The following SPHKAP variants were observed in gnomAD, a reference collection of about 807,000 sequenced individuals.
SPHKAP encodes the protein SPHK1 interactor, AKAP domain containing.
Under a neutral mutation model 137.5 loss-of-function variants are expected in SPHKAP, and 67 were observed. The ratio of observed to expected loss-of-function variants is 0.49; its 90% CI spans 0.40 to 0.60. The LOEUF (loss-of-function observed/expected upper bound fraction) is 0.60, where lower values mean the gene tolerates loss of function less well. Among genes scored for constraint, SPHKAP ranks in the 20% least tolerant of loss-of-function variants. The probability of loss-of-function intolerance (pLI) is 0.00; values close to 1 mark genes in which losing one functional copy is unlikely to be tolerated. For synonymous variants in SPHKAP, 813 were observed against 785.3 expected, an observed-to-expected ratio of 1.04 and a Z score of -0.59; for missense variants, 2,097 against 2,069.3, an observed-to-expected ratio of 1.01 and a Z score of -0.26.
At chr2:228,176,786 G>A (rs1453790756) in intron 1 of SPHKAP, among the ~76,000 whole-genome samples, 1 of 152,190 alleles carries the variant, frequency 6.6e-6, no homozygotes, top group Non-Finnish European at 1.5e-5. Context: ...CGGGAGAATC[G>A]CTCAAATCCC....
At position 228,103,970 on chromosome 2, in the gene SPHKAP, CAT is replaced by C. The variant is rs533092318; in HGVS notation, c.246+4860_246+4861del. On this transcript the variant is annotated intron_variant, in intron 3 of 11. Coordinates refer to ENST00000392056, the MANE Select transcript of SPHKAP (RefSeq NM_001142644.2). ...ATATATGTACATTTTCACAGAAACA[CAT>C]GTACATGCAGAGAAAAGGATAAAGC... 4.1e-3 allele frequency among the ~76,000 whole-genome samples: 616 copies of C among 151,986 alleles called. 6 individuals carry two copies. The highest frequency in any genetic ancestry group is 0.014 in the African/African-American group (581 of 41,438).
At chr2:228,129,617 A>G (rs1699183200) in intron 2 of SPHKAP, among the ~76,000 whole-genome samples, 1 of 152,032 alleles carries the variant, frequency 6.6e-6, no homozygotes, top group African/African-American at 2.4e-5. Context: ...ATTTCCCAGT[A>G]GTTATTCCAG....
intron 4 of SPHKAP, among the ~76,000 whole-genome samples, chr2:228,027,104 C>T (rs1559355302): frequency 6.6e-6 from 1 of 152,136 alleles, no homozygotes; most frequent in East Asian, 1.9e-4. Context: ...GCAAAAAGTT[C>T]AAGCCAAGGG....
rs1185780019 is a variant in SPHKAP, at chr2:228,021,815, T to C, written c.593A>G (p.Lys198Arg). 1 of 1,614,158 alleles carries C rather than the reference T, an allele frequency of 6.2e-7. No individual in the cohort carries two copies. Among genetic ancestry groups the C allele is most frequent in the Non-Finnish European group, 8.5e-7 (1 of 1,180,002 alleles). Residue 198 changes from lysine (K) to arginine (R), a missense_variant, in exon 6 of 12, where the codon AAA (lysine) becomes AGA (arginine). Coordinates refer to ENST00000392056, the MANE Select transcript of SPHKAP (RefSeq NM_001142644.2). ...GGAACAGTTCGTGTCATCCTCCAGT[T>C]TCAAGATGTTTGTTTCCAGGTGGAG... ...RQLHLETNIL[K>R]LEDDTNCSLS... is the part of the protein sequence containing the mutation.
At chr2:228,030,792 A>C (rs1695279912) in intron 3 of SPHKAP, among the ~76,000 whole-genome samples, 1 of 151,886 alleles carries the variant, frequency 6.6e-6, no homozygotes, top group African/African-American at 2.4e-5. Flanking sequence ...AGCAATATTG[A>C]AATATTGTCT....
intron 2 of SPHKAP, among the ~76,000 whole-genome samples, chr2:228,118,424 T>G (rs1698790360): frequency 6.6e-6 from 1 of 151,998 alleles, no homozygotes; most frequent in Non-Finnish European, 1.5e-5. Flanking sequence ...TATGGTAAAT[T>G]TATAAGAAAC....
At chr2:228,124,040 T>C (rs1426614216) in intron 2 of SPHKAP, among the ~76,000 whole-genome samples, 1 of 151,552 alleles carries the variant, frequency 6.6e-6, no homozygotes, top group Non-Finnish European at 1.5e-5. Flanking sequence ...TGAGATACCA[T>C]CTTGCACCAG....
chr2:228,094,888 G>C (rs1288481703), intron 3 of SPHKAP, among the ~76,000 whole-genome samples: 1 of 151,996 alleles, frequency 6.6e-6, no homozygotes, highest in African/African-American at 2.4e-5. Context: ...AGGTTGCTGG[G>C]GTCTTTTTGT....
At chr2:228,055,142 C>CAAAAAAAAAAAAAAAAAAA (rs58091970) in intron 3 of SPHKAP, among the ~76,000 whole-genome samples, 22 of 61,304 alleles carry the variant, frequency 3.6e-4, no homozygotes, top group African/African-American at 1.0e-3. Flanking sequence ...AACTCCACTC[C>CAAAAAAAAAAAAAAAAAAA]AAAAAAAAAA....
rs1694634905 is a variant in SPHKAP, at chr2:228,017,154, G to A, written c.3700C>T (p.His1234Tyr). 1 of 1,614,006 alleles carries A rather than the reference G, an allele frequency of 6.2e-7. No individual in the cohort carries two copies. The highest frequency in any genetic ancestry group is 1.3e-5 in the African/African-American group (1 of 75,032). The change falls in exon 7 of 12, where the codon CAC becomes TAC. Residue 1234 changes from histidine (H) to tyrosine (Y), a missense_variant. Transcript: ENST00000392056. ...LSPSLRSPVCHRQSSMPDSRS... is the reference protein window; with the variant it reads ...LSPSLRSPVCYRQSSMPDSRS... ...CTGTCTGGCATGGACGACTGTCTGT[G>A]GCACACTGGGGATCGCAGAGAAGGA...
intron 2 of SPHKAP, among the ~76,000 whole-genome samples, chr2:228,114,695 C>G (rs1034540855): frequency 6.6e-6 from 1 of 152,032 alleles, no homozygotes; most frequent in African/African-American, 2.4e-5. Flanking sequence ...TCTGTTTCAT[C>G]GAACATTTTC....
chr2:228,002,016 G>T (rs925312907), intron 7 of SPHKAP, among the ~76,000 whole-genome samples: 1 of 152,136 alleles, frequency 6.6e-6, no homozygotes, highest in African/African-American at 2.4e-5. Context: ...TGTGAGTAGT[G>T]CCACAATAAA....
intron 8 of SPHKAP, chr2:227,993,995 G>A: frequency 2.1e-6 from 2 of 963,320 alleles, no homozygotes; most frequent in Non-Finnish European, 2.5e-6. Flanking sequence ...CTTGCTGCTG[G>A]GGACACCTGC....
intron 1 of SPHKAP, among the ~76,000 whole-genome samples, chr2:228,137,056 C>A (rs566176962): frequency 3.9e-5 from 6 of 152,148 alleles, no homozygotes; most frequent in African/African-American, 1.2e-4. Flanking sequence ...AACACACTTA[C>A]GCTCCTGCCT....
chr2:228,011,330 G>C (rs1300963303), intron 7 of SPHKAP, among the ~76,000 whole-genome samples: 1 of 151,276 alleles, frequency 6.6e-6, no homozygotes, highest in Admixed American at 6.6e-5. Flanking sequence ...GTGGAAGTCT[G>C]CCTCAGTTCC....
intron 2 of SPHKAP, among the ~76,000 whole-genome samples, chr2:228,113,956 G>C (rs1698616665): frequency 6.6e-6 from 1 of 152,084 alleles, no homozygotes; most frequent in Non-Finnish European, 1.5e-5. Context: ...AAAGCTTTTA[G>C]TTTCATGGCT....
At chr2:228,057,683 G>A (rs1696495110) in intron 3 of SPHKAP, among the ~76,000 whole-genome samples, 2 of 152,174 alleles carry the variant, frequency 1.3e-5, no homozygotes, top group Admixed American at 6.5e-5. Flanking sequence ...TGGCAAGAGG[G>A]AGCATAGCGC....
In SPHKAP at chr2:227,995,589, G is replaced by A. The variant is rs1480010255; in HGVS notation, c.4554C>T (p.Gly1518=). The change falls in exon 8 of 12, where the codon GGC becomes GGT. Residue 1518 remains glycine (G), a synonymous_variant. Coordinates refer to ENST00000392056, the MANE Select transcript of SPHKAP (RefSeq NM_001142644.2). ...NPPSSSEEST[G]SWTQLANEED... The stretch of plus-strand genomic sequence containing the variant: ...CCTCATTGGCAAGCTGGGTCCAGCT[G>A]CCTGTGCTCTCCTCGCTGCTGCTTG... 6.2e-7 allele frequency: 1 copy of A among 1,614,120 alleles called. No homozygotes were observed. Among genetic ancestry groups the A allele is most frequent in the South Asian group, 1.1e-5 (1 of 91,082 alleles).
At chr2:228,179,093 T>G (rs151249965) in intron 1 of SPHKAP, among the ~76,000 whole-genome samples, 7 of 152,170 alleles carry the variant, frequency 4.6e-5, no homozygotes, top group Non-Finnish European at 1.0e-4. Flanking sequence ...ATAAAATATA[T>G]TCTATAATTA....
Sources: gnomAD v4.1 joint callset for allele counts (sites outside exome capture counted in the v4.1 genomes callset) on GRCh38, gnomAD v4.1.1 for gene constraint, MANE v1.5 for transcripts, NCBI Gene and HGNC (gene_info 2026-07-23, HGNC 2026-07-21) for gene names.